EYA4: variants seen among roughly 807,000 people sequenced by gnomAD.
The protein encoded by EYA4 is protein phosphatase EYA4.
Under a neutral mutation model 87.9 loss-of-function variants are expected in EYA4, and 31 were observed. The observed-to-expected ratio is 0.35, with a 90% CI of 0.27 to 0.48. The LOEUF (loss-of-function observed/expected upper bound fraction) is 0.48, where lower values mean the gene tolerates loss of function less well. EYA4 is among the 20% of genes least tolerant of loss of function. EYA4 has a pLI of 0.99. For synonymous variants in EYA4, 263 were observed against 270.6 expected, an observed-to-expected ratio of 0.97 and a Z score of 0.28; for missense variants, 678 against 761.4, an observed-to-expected ratio of 0.89 and a Z score of 1.29.
intron 13 of EYA4, among the ~76,000 whole-genome samples, chr6:133,495,397 T>A (rs1338908711): frequency 6.7e-6 from 1 of 148,172 alleles, no homozygotes; most frequent in East Asian, 1.9e-4. Context: ...CATTTATTTA[T>A]AAATAAATAT....
intron 17 of EYA4, among the ~76,000 whole-genome samples, chr6:133,517,271 G>A (rs1371461668): frequency 6.6e-6 from 1 of 151,918 alleles, no homozygotes; most frequent in Admixed American, 6.6e-5. Flanking sequence ...AGAAAAATGG[G>A]TATTAGGCTT....
intron 2 of EYA4, among the ~76,000 whole-genome samples, chr6:133,357,463 G>A (rs9483579): frequency 0.02 from 3,080 of 152,114 alleles, 87 homozygotes; most frequent in African/African-American, 0.066. Context: ...GAATTGTTTT[G>A]ATCTAATTAA....
chr6:133,383,421 G>A (rs1199640390), intron 3 of EYA4, among the ~76,000 whole-genome samples: 1 of 146,490 alleles, frequency 6.8e-6, no homozygotes, highest in African/African-American at 2.5e-5. Flanking sequence ...GGGAGGGTGA[G>A]GTGGAAGAAT....
chr6:133,326,969 C>A (rs1156673274), intron 2 of EYA4, among the ~76,000 whole-genome samples: 1 of 152,120 alleles, frequency 6.6e-6, no homozygotes, highest in Non-Finnish European at 1.5e-5. Context: ...CTCGCTGACC[C>A]TTGTTCCTGA....
intron 3 of EYA4, among the ~76,000 whole-genome samples, chr6:133,419,015 T>G (rs1057330463): frequency 3.3e-5 from 5 of 152,168 alleles, no homozygotes; most frequent in African/African-American, 1.2e-4. Context: ...TCATAGGACA[T>G]AGGGTGGCCT....
intron 17 of EYA4, among the ~76,000 whole-genome samples, chr6:133,517,825 G>C (rs1799733803): frequency 1.3e-5 from 2 of 152,318 alleles, no homozygotes; most frequent in South Asian, 4.1e-4. Flanking sequence ...CAGATGGAAG[G>C]AGGAGCCAGA....
rs1562368948 is a variant in EYA4 at position 133,394,282 on chromosome 6, G to GTATTTTTTTTTTTTTTTTTTT, written c.83+11842_83+11843insATTTTTTTTTTTTTTTTTTTT. ...GTTGGAAAAATGTATATATAAGCTT[G>GTATTTTTTTTTTTTTTTTTTT]TGTTTTTTTTTTTTTTTTTTTTTTT... On this transcript the variant is annotated intron_variant, in intron 3 of 19. Transcript: ENST00000355286. Among the ~76,000 whole-genome samples the GTATTTTTTTTTTTTTTTTTTT allele has an allele frequency of 7.4e-5, 8 of 107,846 alleles. 3 individuals carry two copies. Among genetic ancestry groups the GTATTTTTTTTTTTTTTTTTTT allele is most frequent in the Non-Finnish European group, 1.0e-4 (6 of 58,892 alleles). The allele number at this position is 107,846 out of a possible 152,430, so 70.8% of individuals were successfully genotyped here.
At chr6:133,380,046 G>C (rs1001425314) in intron 2 of EYA4, among the ~76,000 whole-genome samples, 1 of 152,106 alleles carries the variant, frequency 6.6e-6, no homozygotes, top group African/African-American at 2.4e-5. Context: ...ACTCAATTCA[G>C]AACTTACTTT....
intron 11 of EYA4, among the ~76,000 whole-genome samples, chr6:133,474,087 G>A (rs1282357802): frequency 6.6e-6 from 1 of 152,018 alleles, no homozygotes; most frequent in African/African-American, 2.4e-5. Context: ...TGATGAATGT[G>A]TGAGGAAAAC....
At chr6:133,305,697 T>A (rs918673108) in intron 2 of EYA4, among the ~76,000 whole-genome samples, 1 of 152,132 alleles carries the variant, frequency 6.6e-6, no homozygotes, top group Admixed American at 6.5e-5. Context: ...TCTCCTAATC[T>A]TCTCACTAAC....
chr6:133,462,489 C>A lies in EYA4; in HGVS notation c.580+12C>A. On this transcript the variant is annotated intron_variant, in intron 8 of 19. Coordinates refer to ENST00000355286, the MANE Select transcript of EYA4 (RefSeq NM_004100.5). ...CTTGCCCACTTACGGTATTTCACAT[C>A]TTCTGTTTTCTTCTTTGGTTATAGG... The A allele has an allele frequency of 1.3e-6, 2 of 1,581,050 alleles. No homozygotes were observed. The highest frequency in any genetic ancestry group is 1.7e-6 in the Non-Finnish European group (2 of 1,179,068).
At chr6:133,508,763 T>C (rs1259822844) in intron 14 of EYA4, among the ~76,000 whole-genome samples, 1 of 152,208 alleles carries the variant, frequency 6.6e-6, no homozygotes, top group Non-Finnish European at 1.5e-5. Flanking sequence ...GTTGTAGTCA[T>C]GTATGGCACT....
At chr6:133,441,374 T>C (rs909660422) in intron 3 of EYA4, among the ~76,000 whole-genome samples, 1 of 152,228 alleles carries the variant, frequency 6.6e-6, no homozygotes, top group African/African-American at 2.4e-5. Context: ...TAGAGATACA[T>C]ACTGTTATAA....
At chr6:133,256,551 A>G (rs1191712273) in intron 1 of EYA4, among the ~76,000 whole-genome samples, 1 of 152,118 alleles carries the variant, frequency 6.6e-6, no homozygotes, top group Non-Finnish European at 1.5e-5. Context: ...ATAAGTAATA[A>G]ATGACATTAC....
At chr6:133,422,731 T>C (rs1340258238) in intron 3 of EYA4, among the ~76,000 whole-genome samples, 1 of 152,196 alleles carries the variant, frequency 6.6e-6, no homozygotes, top group Non-Finnish European at 1.5e-5. Context: ...ATTTCAAAGA[T>C]TTCAATAAAA....
intron 13 of EYA4, among the ~76,000 whole-genome samples, chr6:133,496,129 T>TAA (rs1797629403): frequency 5.9e-5 from 9 of 152,300 alleles, no homozygotes; most frequent in South Asian, 2.1e-4. Flanking sequence ...GTTATTCTGA[T>TAA]GATTAGTTAA....
chr6:133,387,954 T>C (rs951399889), intron 3 of EYA4, among the ~76,000 whole-genome samples: 6 of 152,144 alleles, frequency 3.9e-5, no homozygotes, highest in Non-Finnish European at 4.4e-5. Flanking sequence ...GATGGGGCTG[T>C]GAATGAGGGT....
chr6:133,529,740 G>T lies in EYA4; in HGVS notation c.*935G>T. On this transcript the variant is annotated 3_prime_UTR_variant, in exon 20 of 20. Coordinates refer to ENST00000355286, the MANE Select transcript of EYA4 (RefSeq NM_004100.5). ...TTGCGCATCCAACCATGAGTGGAAG[G>T]TTTGGGAAAGACTGTGGGACCTTTA... The T allele has an allele frequency of 2.0e-6, 2 of 985,336 alleles. No homozygotes were observed. The highest frequency in any genetic ancestry group is 2.4e-6 in the Non-Finnish European group (2 of 829,862). 61.0% of individuals were successfully genotyped at this position (985,336 alleles called of 1,614,324 possible). A position where few individuals can be genotyped will look rare whatever the true frequency, so the allele number is the denominator to read the frequency against.
intron 17 of EYA4, among the ~76,000 whole-genome samples, chr6:133,517,328 A>C (rs999053688): frequency 3.9e-5 from 6 of 152,222 alleles, no homozygotes; most frequent in South Asian, 4.2e-4. Flanking sequence ...CCCATGACAC[A>C]AGTTAACCTA....
Sources: allele counts gnomAD v4.1 joint callset (sites outside exome capture counted in the v4.1 genomes callset), GRCh38; gene constraint gnomAD v4.1.1; transcripts MANE v1.5; gene names NCBI Gene and HGNC (gene_info 2026-07-23, HGNC 2026-07-21).